NCKAP5: variants seen among roughly 807,000 people sequenced by gnomAD.
NCKAP5 encodes the protein nck-associated protein 5.
In NCKAP5, 92 loss-of-function variants were observed where a neutral mutation model predicts 167.0. That is an observed-to-expected ratio of 0.55 (90% CI 0.47 to 0.66). The LOEUF is 0.66. Ranked by LOEUF, NCKAP5 falls within the 30% of genes least tolerant of loss-of-function variation. NCKAP5 has a pLI of 0.00. For missense variants in NCKAP5, 2,378 were observed against 2,315.0 expected (o/e 1.03, Z -0.56); for synonymous variants, 891 against 877.4 (o/e 1.02, Z -0.27).
chr2:133,483,586 A>T (rs1167909820), intron 3 of NCKAP5, among the ~76,000 whole-genome samples: 1 of 150,448 alleles, frequency 6.6e-6, no homozygotes. Context: ...ATTAAAGATT[A>T]ATACGTTTTT....
At chr2:133,474,112 A>ATATC (rs10668136) in intron 3 of NCKAP5, among the ~76,000 whole-genome samples, 47,115 of 137,642 alleles carry the variant, frequency 0.34, 7,942 homozygotes, top group East Asian at 0.42. Context: ...AGAAAATGTG[A>ATATC]TATCTATCTA....
chr2:133,547,228 C>T (rs1452539941), intron 2 of NCKAP5, among the ~76,000 whole-genome samples: 3 of 152,174 alleles, frequency 2.0e-5, no homozygotes, highest in African/African-American at 7.2e-5. Flanking sequence ...GAGGGTCCTA[C>T]GCCCACGGAG....
rs149896546 is a variant in NCKAP5, at chr2:132,967,162, T to TACACAC, written c.430-3299_430-3294dup. 3.5e-3 allele frequency among the ~76,000 whole-genome samples: 503 copies of TACACAC among 141,834 alleles called. 2 individuals carry two copies. The highest frequency in any genetic ancestry group is 8.9e-3 in the African/African-American group (345 of 38,856). 93.0% of individuals were successfully genotyped at this position (141,834 alleles called of 152,430 possible). A position where few individuals can be genotyped will look rare whatever the true frequency, so the allele number is the denominator to read the frequency against. ...ATAATGAGGAGCCACTGCCCTATCG[T>TACACAC]ACACACACACACACACACACACACA... On this transcript the variant is annotated intron_variant, in intron 7 of 19. Coordinates refer to ENST00000409261, the MANE Select transcript of NCKAP5 (RefSeq NM_207363.3).
intron 3 of NCKAP5, among the ~76,000 whole-genome samples, chr2:133,491,605 T>C (rs1054154576): frequency 2.0e-5 from 3 of 152,234 alleles, no homozygotes; most frequent in Non-Finnish European, 2.9e-5. Flanking sequence ...AGATAGAATA[T>C]TACTCCTTTC....
chr2:133,513,414 C>T (rs1319463188), intron 3 of NCKAP5, among the ~76,000 whole-genome samples: 1 of 152,190 alleles, frequency 6.6e-6, no homozygotes, highest in Non-Finnish European at 1.5e-5. Context: ...ACCTCTTTCT[C>T]CCATTGGCTA....
chr2:133,028,625 C>T (rs528272106), intron 6 of NCKAP5, among the ~76,000 whole-genome samples: 24 of 152,310 alleles, frequency 1.6e-4, no homozygotes, highest in African/African-American at 5.8e-4. Context: ...AAAGCACTTG[C>T]AATTTAGTAC....
At chr2:133,603,512 AC>A in the NCKAP5 span, among the ~76,000 whole-genome samples, 1 of 151,904 alleles carries the variant, frequency 6.6e-6, no homozygotes, top group East Asian at 1.9e-4. Context: ...GGCGTGAGCC[AC>A]CGTGCCCAGC....
chr2:133,012,627 C>G (rs1019160769), intron 6 of NCKAP5, among the ~76,000 whole-genome samples: 1 of 152,098 alleles, frequency 6.6e-6, no homozygotes, highest in African/African-American at 2.4e-5. Context: ...ACTGGCCACC[C>G]CTTCCCTCCT....
intron 16 of NCKAP5, among the ~76,000 whole-genome samples, chr2:132,743,525 A>T (rs1679383972): frequency 6.6e-6 from 1 of 151,788 alleles, no homozygotes; most frequent in South Asian, 2.1e-4. Context: ...ACCACTCACT[A>T]AAACAGGAAA....
At chr2:132,841,529 T>A (rs1286226746) in intron 11 of NCKAP5, among the ~76,000 whole-genome samples, 1 of 152,122 alleles carries the variant, frequency 6.6e-6, no homozygotes, top group African/African-American at 2.4e-5. Context: ...TCACGTCTTA[T>A]TACCTTTACT....
intron 4 of NCKAP5, among the ~76,000 whole-genome samples, chr2:133,298,257 T>A (rs574363072): frequency 1.2e-4 from 19 of 152,334 alleles, no homozygotes; most frequent in Admixed American, 1.1e-3. Flanking sequence ...GAGTTCATTT[T>A]CTTTCAATAC....
chr2:133,403,074 T>G (rs906442348), intron 3 of NCKAP5, among the ~76,000 whole-genome samples: 37 of 152,218 alleles, frequency 2.4e-4, no homozygotes, highest in Non-Finnish European at 2.9e-4. Flanking sequence ...TATCTTTGAA[T>G]AGCTTTGAGA....
chr2:133,658,743 C>T, the NCKAP5 span, among the ~76,000 whole-genome samples: 9 of 152,158 alleles, frequency 5.9e-5, no homozygotes, highest in Non-Finnish European at 1.2e-4. Context: ...CCCTGTGCTT[C>T]CTGCTTCTGA....
At chr2:133,194,843 T>C (rs1326883081) in intron 5 of NCKAP5, among the ~76,000 whole-genome samples, 1 of 150,896 alleles carries the variant, frequency 6.6e-6, no homozygotes, top group Non-Finnish European at 1.5e-5. Flanking sequence ...CTCGTGGAAG[T>C]ATAGACAGAT....
In NCKAP5 at chr2:132,784,163, T is replaced by A. The variant is rs1210329675; in HGVS notation, c.2648A>T (p.Asp883Val). The change falls in exon 14 of 20, where the codon GAC becomes GTC. Residue 883 changes from aspartate to valine, a missense_variant. By Grantham distance (152) the Asp-to-Val change is radical (BLOSUM62 -3). This residue lies in a region of NCKAP5 where 1,325 missense variants were observed against 1,274.5 expected (regional missense o/e 1.04). Transcript: ENST00000409261. ...PHSSRMPSRR[D>V]WVQCPKSQTP... ...CTGACTCTTGGGGCACTGGACCCAG[T>A]CCCTCCTGCTGGGCATCCTGGAGCT... 2.6e-6 allele frequency: 4 copies of A among 1,534,332 alleles called. No individual in the cohort carries two copies. The highest frequency in any genetic ancestry group is 3.5e-6 in the Non-Finnish European group (4 of 1,143,512).
At chr2:133,374,538 G>C (rs1265632111) in intron 3 of NCKAP5, among the ~76,000 whole-genome samples, 2 of 151,874 alleles carry the variant, frequency 1.3e-5, no homozygotes, top group Non-Finnish European at 2.9e-5. Flanking sequence ...ACTCTAGTGG[G>C]AGATGTCGGT....
At chr2:133,558,784 C>T (rs1687951943) in intron 2 of NCKAP5, among the ~76,000 whole-genome samples, 1 of 140,584 alleles carries the variant, frequency 7.1e-6, no homozygotes, top group African/African-American at 2.7e-5. Flanking sequence ...ATTGGGGGTG[C>T]ACATTGTTCT....
intron 8 of NCKAP5, among the ~76,000 whole-genome samples, chr2:132,895,102 C>G (rs113964485): frequency 0.12 from 18,205 of 151,964 alleles, 1,244 homozygotes; most frequent in Middle Eastern, 0.19. Flanking sequence ...GAGGCCAAGG[C>G]GGGCGGATCA....
chr2:132,969,138 G>A (rs970034690), intron 7 of NCKAP5, among the ~76,000 whole-genome samples: 26 of 152,140 alleles, frequency 1.7e-4, no homozygotes, highest in Admixed American at 1.4e-3. Flanking sequence ...CCTGGGTACA[G>A]GCGATTCTCC....
Sources: allele counts gnomAD v4.1 joint callset (sites outside exome capture counted in the v4.1 genomes callset), GRCh38; gene constraint gnomAD v4.1.1; regional missense constraint gnomAD v4.1.1; transcripts MANE v1.5; gene names NCBI Gene and HGNC (gene_info 2026-07-23, HGNC 2026-07-21).